The following MFAP3L variants were observed in gnomAD, a reference collection of about 807,000 sequenced individuals.
MFAP3L encodes microfibril associated protein 3 like.
Under a neutral mutation model 20.0 loss-of-function variants are expected in MFAP3L, and 5 were observed. The ratio of observed to expected loss-of-function variants is 0.25; its 90% CI spans 0.13 to 0.53. MFAP3L has a LOEUF of 0.53. Ranked by LOEUF, MFAP3L falls within the 20% of genes least tolerant of loss-of-function variation. The pLI, the probability that MFAP3L is intolerant of heterozygous loss-of-function variation, is 0.96. For missense variants in MFAP3L, 409 were observed against 527.5 expected (o/e 0.78, Z 2.20); for synonymous variants, 219 against 213.0 (o/e 1.03, Z -0.25).
At chr4:170,000,948 C>T (rs983424744) in intron 2 of MFAP3L, among the ~76,000 whole-genome samples, 2 of 152,044 alleles carry the variant, frequency 1.3e-5, no homozygotes, top group Admixed American at 1.3e-4. Flanking sequence ...ATCTTGAATT[C>T]CTGGGCTCAA....
chr4:170,005,552 T>C, intron 2 of MFAP3L, 28 bp downstream of exon 2: 1 of 1,600,460 alleles, frequency 6.2e-7, no homozygotes, highest in Non-Finnish European at 8.6e-7. Context: ...TATTTTATTA[T>C]GACATTTGAT....
intron 2 of MFAP3L, chr4:170,005,207 C>T: frequency 4.0e-6 from 1 of 251,456 alleles, no homozygotes; most frequent in East Asian, 7.8e-5. Context: ...TAATGATAAA[C>T]AATGGCTATA....
intron 1 of MFAP3L, among the ~76,000 whole-genome samples, chr4:170,019,622 G>C (rs933442176): frequency 6.6e-6 from 1 of 152,286 alleles, no homozygotes; most frequent in African/African-American, 2.4e-5. Context: ...TTCGTAAACC[G>C]ATGAGAATGA....
At chr4:170,013,146 T>C (rs1739488768) in intron 1 of MFAP3L, among the ~76,000 whole-genome samples, 1 of 152,202 alleles carries the variant, frequency 6.6e-6, no homozygotes, top group South Asian at 2.1e-4. Flanking sequence ...ATGGTATGTT[T>C]TTCTGATTAA....
chr4:170,008,613 C>T (rs999727580), intron 1 of MFAP3L, among the ~76,000 whole-genome samples: 2 of 152,066 alleles, frequency 1.3e-5, no homozygotes, highest in Non-Finnish European at 2.9e-5. Context: ...GGAGGGGCAC[C>T]GAACAGCTTG....
chr4:170,005,603 T>C lies in MFAP3L; in HGVS notation c.275A>G (p.Glu92Gly). ...NSIGKLLKEE[E>G]DEKERGGGKW... The stretch of plus-strand genomic sequence containing the variant: ...ACCTCCTCCTCTCTCCTTCTCATCC[T>C]CTTCTTCTTTCAGCAGCTTGCCAAT... Residue 92 changes from glutamate (E) to glycine (G), a missense_variant, in exon 2 of 3, where the codon GAG (glutamate) becomes GGG (glycine). Glu to Gly is a moderately conservative substitution (Grantham distance 98, BLOSUM62 -2). This residue lies in a region of MFAP3L where 113 missense variants were observed against 131.1 expected (regional missense o/e 0.86). Transcript: ENST00000361618. 1 of 1,614,132 alleles carries C rather than the reference T, an allele frequency of 6.2e-7. No individual in the cohort carries two copies. Among genetic ancestry groups the C allele is most frequent in the Non-Finnish European group, 8.5e-7 (1 of 1,179,982 alleles).
chr4:169,991,478 T>C lies in MFAP3L; in HGVS notation c.1130A>G (p.Glu377Gly). The change falls in exon 3 of 3, where the codon GAG (glutamate) becomes GGG (glycine). Residue 377 changes from glutamate to glycine, a missense_variant. By Grantham distance (98) the Glu-to-Gly change is moderately conservative. Coordinates refer to ENST00000361618, the MANE Select transcript of MFAP3L (RefSeq NM_021647.8). This position sits in a 1 kb window ranked among gnomAD's most constrained non-coding sequence, Gnocchi z 4.9. ...ELTSEEPTPV[E>G]VPDKVLPPAY... ...TGGCGGCAGTACCTTATCTGGTACC[T>C]CAACAGGTGTTGGCTCTTCAGATGT... 1 of 1,614,166 alleles carries C rather than the reference T, an allele frequency of 6.2e-7. No homozygotes were observed. The highest frequency in any genetic ancestry group is 8.5e-7 in the Non-Finnish European group (1 of 1,180,016).
At position 169,994,082 on chromosome 4, in the gene MFAP3L, A is replaced by G. The variant is rs78455574; in HGVS notation, c.299-1773T>C. On this transcript the variant is annotated intron_variant, in intron 2 of 2. Transcript: ENST00000361618. ...TTTGCATGTCTTATAAAAGTAGACT[A>G]CAGCAGGCATGGACAAAAACAGAAC... 0.014 allele frequency: 10,827 copies of G among 752,722 alleles called. 1,016 individuals are homozygous for G. In the African/African-American group the frequency reaches 0.19, roughly 13 times the overall value. 46.6% of individuals were successfully genotyped at this position (752,722 alleles called of 1,614,324 possible).
At chr4:169,998,929 C>A (rs1407979801) in intron 2 of MFAP3L, among the ~76,000 whole-genome samples, 2 of 152,156 alleles carry the variant, frequency 1.3e-5, no homozygotes, top group Non-Finnish European at 2.9e-5. Flanking sequence ...TGCGTAGAAT[C>A]GGCACCCTTT....
intron 1 of MFAP3L, among the ~76,000 whole-genome samples, chr4:170,021,865 C>T (rs529270620): frequency 1.3e-5 from 2 of 152,326 alleles, no homozygotes; most frequent in Admixed American, 6.5e-5. Flanking sequence ...CCAACACCAA[C>T]GTCAAATATG....
At chr4:170,020,949 T>C (rs1739998859) in intron 1 of MFAP3L, among the ~76,000 whole-genome samples, 1 of 152,126 alleles carries the variant, frequency 6.6e-6, no homozygotes, top group African/African-American at 2.4e-5. Flanking sequence ...ACCTGTTGAA[T>C]GAATTAATGA....
intron 2 of MFAP3L, among the ~76,000 whole-genome samples, chr4:170,002,586 T>C (rs749490577): frequency 3.3e-5 from 5 of 152,056 alleles, no homozygotes; most frequent in African/African-American, 4.8e-5. Context: ...CTCAGCTCAC[T>C]GCAACCTCTG....
chr4:170,026,280 T>A lies in MFAP3L; in HGVS notation c.-180A>T. On this transcript the variant is annotated 5_prime_UTR_variant, in exon 1 of 3. It removes an upstream start codon present in the reference 5' UTR. Coordinates refer to ENST00000361618, the MANE Select transcript of MFAP3L (RefSeq NM_021647.8). ...GGTGGCCGCCGTGCACCCCTCGCCA[T>A]GGCCAGCCCGACAGCGGCCGCTGCG... The A allele has an allele frequency of 2.0e-6, 2 of 984,152 alleles. No individual in the cohort carries two copies. The highest frequency in any genetic ancestry group is 2.4e-6 in the Non-Finnish European group (2 of 829,504). The allele number at this position is 984,152 out of a possible 1,614,324, so 61.0% of individuals were successfully genotyped here. A position where few individuals can be genotyped will look rare whatever the true frequency, so the allele number is the denominator to read the frequency against.
chr4:169,986,830 C>T lies in MFAP3L; in HGVS notation c.*4548G>A, dbSNP rs1354275474. 1 of 152,204 alleles carries T rather than the reference C, an allele frequency of 6.6e-6. No individual in the cohort carries two copies. The highest frequency in any genetic ancestry group is 1.9e-4 in the East Asian group (1 of 5,204). 9.4% of individuals were successfully genotyped at this position (152,204 alleles called of 1,614,324 possible). A position where few individuals can be genotyped will look rare whatever the true frequency, so the allele number is the denominator to read the frequency against. On this transcript the variant is annotated 3_prime_UTR_variant, in exon 3 of 3. Transcript: ENST00000361618. ...GACATCCAGAACTACTGAAATACAA[C>T]AAACGAAATCTAAGTGCAAGCATCT...
upstream of MFAP3L, chr4:170,026,568 GA>G (rs1730448667): frequency 6.6e-6 from 1 of 151,476 alleles, no homozygotes; most frequent in African/African-American, 2.4e-5. Flanking sequence ...CGGTGCTGCG[GA>G]GCGGCCCCGC....
At chr4:170,021,144 G>T (rs1192507506) in intron 1 of MFAP3L, among the ~76,000 whole-genome samples, 2 of 152,156 alleles carry the variant, frequency 1.3e-5, no homozygotes, top group Non-Finnish European at 2.9e-5. Context: ...AAAATATTGG[G>T]AATAGCTAAG....
At chr4:169,996,533 G>C (rs548686423) in intron 2 of MFAP3L, among the ~76,000 whole-genome samples, 2 of 152,104 alleles carry the variant, frequency 1.3e-5, no homozygotes, top group Non-Finnish European at 2.9e-5. Flanking sequence ...GAGAGCAAGG[G>C]CTTCCTAGAG....
Position 170,026,300 on chromosome 4 carries a change from G to A in MFAP3L, c.-200C>T, listed in dbSNP as rs966403287. On this transcript the variant is annotated 5_prime_UTR_variant, in exon 1 of 3. Coordinates refer to ENST00000361618, the MANE Select transcript of MFAP3L (RefSeq NM_021647.8). ...CGCCATGGCCAGCCCGACAGCGGCC[G>A]CTGCGCCGCACTCTGCGCCGGACGC... 3.2e-5 allele frequency: 31 copies of A among 983,466 alleles called. No individual in the cohort carries two copies. The highest frequency in any genetic ancestry group is 3.7e-5 in the Non-Finnish European group (31 of 829,080). The allele number at this position is 983,466 out of a possible 1,614,324, so 60.9% of individuals were successfully genotyped here. A position where few individuals can be genotyped will look rare whatever the true frequency, so the allele number is the denominator to read the frequency against.
In MFAP3L at chr4:169,992,062, A is replaced by G; in HGVS notation, c.546T>C (p.Thr182=). ...TAAAGAACTCATTGATGGCCTTCTC[A>G]GTCTTCTTTAGATGGCTGCTCATCA... The part of the protein sequence containing the change: ...LCMMSSHLKK[T]EKAINEFFRT... The change falls in exon 3 of 3, where the codon ACT becomes ACC. Residue 182 remains threonine (T), a synonymous_variant. Transcript: ENST00000361618. The surrounding 1 kb of genome is among the most constrained non-coding windows in gnomAD (Gnocchi z 4.3). The G allele has an allele frequency of 5.0e-6, 8 of 1,614,128 alleles. No homozygotes were observed. Among genetic ancestry groups the G allele is most frequent in the South Asian group, 1.1e-5 (1 of 91,080 alleles).
Sources: gnomAD v4.1 joint callset for allele counts (sites outside exome capture counted in the v4.1 genomes callset) on GRCh38, gnomAD v4.1.1 for gene constraint, gnomAD v4.1.1 regional missense constraint, Gnocchi (gnomAD v3.1) non-coding constraint, MANE v1.5 for transcripts, NCBI Gene and HGNC (gene_info 2026-07-23, HGNC 2026-07-21) for gene names.